The following LAMC3 variants were observed in gnomAD, a reference collection of about 807,000 sequenced individuals.
LAMC3 encodes the protein laminin subunit gamma-3.
LAMC3 carries 128 observed loss-of-function variants against 173.8 expected under a neutral mutation model. That is an observed-to-expected ratio of 0.74 (90% CI 0.64 to 0.85). The LOEUF is 0.85. LAMC3 is among the 40% of genes least tolerant of loss of function. The probability of loss-of-function intolerance (pLI) is 0.00; values close to 1 mark genes in which losing one functional copy is unlikely to be tolerated. For synonymous variants in LAMC3, 897 were observed against 909.1 expected (o/e 0.99, Z 0.24); for missense variants, 2,022 against 2,156.0 (o/e 0.94, Z 1.23).
chr9:131,051,179 C>T (rs1001404943), intron 9 of LAMC3, among the ~76,000 whole-genome samples: 4 of 152,164 alleles, frequency 2.6e-5, no homozygotes, highest in South Asian at 2.1e-4. Context: ...TCCCACCCCC[C>T]CAGTTCCCAA....
Position 131,056,911 on chromosome 9 carries a change from T to C in LAMC3, c.1940-18T>C, listed in dbSNP as rs771216776. ...AGCTTGTGCCTCCTCTCTTCCTCTCTCCCTTCTCGCTCTGCAGGTCCAGTG... is the reference window on the plus strand; with the variant it reads ...AGCTTGTGCCTCCTCTCTTCCTCTCCCCCTTCTCGCTCTGCAGGTCCAGTG... On this transcript the variant is annotated intron_variant, in intron 11 of 27. Coordinates refer to ENST00000361069, the MANE Select transcript of LAMC3 (RefSeq NM_006059.4). 6.2e-7 allele frequency: 1 copy of C among 1,605,018 alleles called. No homozygotes were observed. Among genetic ancestry groups the C allele is most frequent in the South Asian group, 1.1e-5 (1 of 90,988 alleles).
intron 2 of LAMC3, 89 bp from the exon 3 acceptor site, chr9:131,031,956 G>A: frequency 1.2e-6 from 2 of 1,610,520 alleles, no homozygotes; most frequent in South Asian, 2.2e-5. Context: ...AGCTCCCGGG[G>A]CAGCCAGCTG....
intron 24 of LAMC3, among the ~76,000 whole-genome samples, chr9:131,084,920 C>T (rs895123360): frequency 8.6e-5 from 12 of 139,954 alleles, no homozygotes; most frequent in African/African-American, 3.2e-4. Flanking sequence ...GCCTGGGTGA[C>T]AGAGCGAGAC....
rs746564503 is a variant in LAMC3 at position 131,061,036 on chromosome 9, G to A, written c.2160G>A (p.Gly720=). ...AGTGGTGCTTGTCTTGCCCCTCAGG[G>A]ATCTGTGTCTGCAGCCACCATACCG... ...NQHGTCDPNT[G]ICVCSHHTEG... The change falls in exon 13 of 28, where the codon GGG becomes GGA. Residue 720 remains glycine, a splice_region_variant and synonymous_variant. Coordinates refer to ENST00000361069, the MANE Select transcript of LAMC3 (RefSeq NM_006059.4). The A allele has an allele frequency of 1.2e-6, 2 of 1,614,060 alleles. No homozygotes were observed. Among genetic ancestry groups the A allele is most frequent in the Admixed American group, 1.7e-5 (1 of 60,024 alleles).
At chr9:131,070,582 G>A (rs373355775) in intron 17 of LAMC3, among the ~76,000 whole-genome samples, 3 of 151,942 alleles carry the variant, frequency 2.0e-5, no homozygotes, top group Non-Finnish European at 4.4e-5. Flanking sequence ...GGGGTGGCGC[G>A]CACCTGTAAT....
Position 131,009,320 on chromosome 9 carries a change from C to T in LAMC3, c.106C>T (p.Leu36=). The T allele has an allele frequency of 6.8e-7, 1 of 1,476,964 alleles. No homozygotes were observed. Among genetic ancestry groups the T allele is most frequent in the Admixed American group, 2.4e-5 (1 of 42,300 alleles). 91.5% of individuals were successfully genotyped at this position (1,476,964 alleles called of 1,614,324 possible). A position where few individuals can be genotyped will look rare whatever the true frequency, so the allele number is the denominator to read the frequency against. The change falls in exon 1 of 28, where the codon CTG becomes TTG. Residue 36 remains leucine, a synonymous_variant. Coordinates refer to ENST00000361069, the MANE Select transcript of LAMC3 (RefSeq NM_006059.4). The surrounding 1 kb of genome is among the most constrained non-coding windows in gnomAD (Gnocchi z 4.3). ...CGGCGCAGGGCGCCCGCAGCGCTGCCTGCCGGTGTTCGAGAACGCGGCGTT... is the reference window on the plus strand; with the variant it reads ...CGGCGCAGGGCGCCCGCAGCGCTGCTTGCCGGTGTTCGAGAACGCGGCGTT... The part of the protein sequence containing the change: ...YDGAGRPQRC[L]PVFENAAFGR...
chr9:131,027,739 G>A (rs1378854727), intron 2 of LAMC3, among the ~76,000 whole-genome samples: 1 of 152,226 alleles, frequency 6.6e-6, no homozygotes, highest in African/African-American at 2.4e-5. Context: ...GACCAGTGCG[G>A]TGCTTGGCAC....
chr9:131,009,455 G>A lies in LAMC3; in HGVS notation c.241G>A (p.Asp81Asn). 6.5e-7 allele frequency: 1 copy of A among 1,547,474 alleles called. No homozygotes were observed. The highest frequency in any genetic ancestry group is 8.7e-7 in the Non-Finnish European group (1 of 1,146,422). The change falls in exon 1 of 28, where the codon GAC becomes AAC. Residue 81 changes from aspartate to asparagine, a missense_variant. Physicochemically the swap from Asp to Asn is conservative, Grantham distance 23. Coordinates refer to ENST00000361069, the MANE Select transcript of LAMC3 (RefSeq NM_006059.4). This position sits in a 1 kb window ranked among gnomAD's most constrained non-coding sequence, Gnocchi z 4.3. ...GAHCQRCDAA[D>N]PQRHHNASYL... Reference sequence around the variant, plus strand: ...TCATTGCCAGCGCTGCGACGCCGCCGACCCCCAGCGCCACCACAACGCCTC... The same window carrying A: ...TCATTGCCAGCGCTGCGACGCCGCCAACCCCCAGCGCCACCACAACGCCTC...
intron 1 of LAMC3, among the ~76,000 whole-genome samples, chr9:131,021,755 T>A (rs1833629300): frequency 6.6e-6 from 1 of 152,180 alleles, no homozygotes; most frequent in Admixed American, 6.5e-5. Flanking sequence ...ACAGATTAGC[T>A]TCAAGTTCCC....
At chr9:131,052,372 T>C (rs1006336804) in intron 9 of LAMC3, 119 bp from the exon 10 acceptor site, 109 of 967,206 alleles carry the variant, frequency 1.1e-4, no homozygotes, top group Non-Finnish European at 2.1e-5. Context: ...AGCTTTTGAT[T>C]TTCTACCCAC....
chr9:131,034,512 C>T (rs191576374), intron 3 of LAMC3, among the ~76,000 whole-genome samples: 42 of 152,378 alleles, frequency 2.8e-4, no homozygotes, highest in African/African-American at 7.9e-4. Context: ...AAGGGAGCCA[C>T]TGAGTGGCCA....
chr9:131,078,161 A>T (rs558427064), intron 22 of LAMC3, among the ~76,000 whole-genome samples: 11 of 152,280 alleles, frequency 7.2e-5, no homozygotes, highest in African/African-American at 2.6e-4. Flanking sequence ...TCGATTCAGT[A>T]ACCCTGAAAT....
chr9:131,064,914 G>A (rs906692330), intron 13 of LAMC3, among the ~76,000 whole-genome samples: 1 of 151,710 alleles, frequency 6.6e-6, no homozygotes, highest in Non-Finnish European at 1.5e-5. Flanking sequence ...GGTGGTGCAC[G>A]CCTGTAATCC....
At chr9:131,051,631 G>A (rs1322780796) in intron 9 of LAMC3, among the ~76,000 whole-genome samples, 1 of 152,132 alleles carries the variant, frequency 6.6e-6, no homozygotes, top group Non-Finnish European at 1.5e-5. Flanking sequence ...CAAAAGTGCT[G>A]GGATTACAGG....
intron 1 of LAMC3, chr9:131,021,275 G>A (rs1490645381): frequency 2.0e-5 from 3 of 152,180 alleles, no homozygotes; most frequent in Admixed American, 6.5e-5. Context: ...TTAGCAGACA[G>A]TAACTGCTCT....
At chr9:131,041,058 G>A (rs1238375084) in intron 6 of LAMC3, among the ~76,000 whole-genome samples, 3 of 152,034 alleles carry the variant, frequency 2.0e-5, no homozygotes, top group African/African-American at 7.2e-5. Flanking sequence ...ATGGAGGAGT[G>A]AGGGGATAGA....
intron 1 of LAMC3, among the ~76,000 whole-genome samples, chr9:131,018,271 A>G (rs181903002): frequency 2.8e-4 from 43 of 150,930 alleles, no homozygotes; most frequent in African/African-American, 1.0e-3. Flanking sequence ...TGTAGCTGGG[A>G]TTACAGGTGC....
intron 1 of LAMC3, among the ~76,000 whole-genome samples, chr9:131,021,787 A>G (rs930549654): frequency 1.2e-4 from 18 of 152,332 alleles, no homozygotes; most frequent in South Asian, 8.3e-4. Context: ...TTTGGGTTCA[A>G]TCAATTCACT....
chr9:131,031,587 C>T (rs1833825494), intron 2 of LAMC3, among the ~76,000 whole-genome samples: 1 of 152,184 alleles, frequency 6.6e-6, no homozygotes, highest in African/African-American at 2.4e-5. Context: ...CACCGTCCCC[C>T]AGCTGTATCC....
Sources: allele counts gnomAD v4.1 joint callset (sites outside exome capture counted in the v4.1 genomes callset), GRCh38; gene constraint gnomAD v4.1.1; non-coding constraint Gnocchi (gnomAD v3.1); transcripts MANE v1.5; gene names NCBI Gene and HGNC (gene_info 2026-07-23, HGNC 2026-07-21).